DNAH9: variants seen among roughly 807,000 people sequenced by gnomAD.
The protein encoded by DNAH9 is DNAH9 variant protein.
DNAH9 carries 345 observed loss-of-function variants against 471.6 expected under a neutral mutation model. The observed-to-expected ratio is 0.73, with a 90% confidence interval of 0.67 to 0.80. The LOEUF is 0.80. DNAH9 is among the 30% of genes least tolerant of loss of function. The pLI is 0.00. For missense variants in DNAH9, 5,407 were observed against 5,609.2 expected (o/e 0.96, Z 1.15); for synonymous variants, 2,093 against 2,123.6 (o/e 0.99, Z 0.40).
chr17:11,696,182 C>A (rs547096757), intron 22 of DNAH9, among the ~76,000 whole-genome samples: 2 of 152,274 alleles, frequency 1.3e-5, no homozygotes, highest in African/African-American at 4.8e-5. Context: ...TACATTCATG[C>A]ATGTACAGTT....
chr17:11,968,572 A>C (rs1390406436), intron 68 of DNAH9, among the ~76,000 whole-genome samples: 3 of 152,234 alleles, frequency 2.0e-5, no homozygotes, highest in Admixed American at 1.3e-4. Flanking sequence ...TGTTTTCTTT[A>C]TTGCTAGGAC....
intron 14 of DNAH9, among the ~76,000 whole-genome samples, chr17:11,654,374 A>AAAAAAAAAAAAAAAAAAAAG (rs1353333314): frequency 6.1e-4 from 35 of 57,748 alleles, no homozygotes; most frequent in Non-Finnish European, 1.2e-3. Context: ...AAAAAAAAAA[A>AAAAAAAAAAAAAAAAAAAAG]AAAAGTTTAA....
Position 11,773,928 on chromosome 17 carries a change from G to A in DNAH9, c.7552+4599G>A, listed in dbSNP as rs796726793. 6.1e-4 allele frequency among the ~76,000 whole-genome samples: 93 copies of A among 152,110 alleles called. 1 individual carries two copies. Among genetic ancestry groups the A allele is most frequent in the African/African-American group, 2.2e-3 (90 of 41,502 alleles). ...GCAGATCACCTGAGGTCAGGAGTTC[G>A]AGACCAGCCTGGCCAACATGGTGAA... is the stretch of plus-strand genomic sequence containing the variant. On this transcript the variant is annotated intron_variant, in intron 38 of 68. Coordinates refer to ENST00000262442, the MANE Select transcript of DNAH9 (RefSeq NM_001372.4).
chr17:11,598,540 C>A lies in DNAH9; in HGVS notation c.42C>A (p.Asn14Lys). Residue 14 changes from asparagine to lysine, a missense_variant, in exon 1 of 69, where the codon AAC becomes AAA. This residue lies in a region of DNAH9 where 767 missense variants were observed against 692.5 expected (regional missense o/e 1.11). Coordinates refer to ENST00000262442, the MANE Select transcript of DNAH9 (RefSeq NM_001372.4). ...AGCGGGCCGCGCTCGCGGCGGAGAA[C>A]GCGGATGGGGAACCCGGCGCCGACC... is the stretch of plus-strand genomic sequence containing the variant. ...AEERAALAAE[N>K]ADGEPGADRR... 1 of 1,402,268 alleles carries A rather than the reference C, an allele frequency of 7.1e-7. No homozygotes were observed. Among genetic ancestry groups the A allele is most frequent in the Admixed American group, 3.3e-5 (1 of 30,720 alleles). 86.9% of individuals were successfully genotyped at this position (1,402,268 alleles called of 1,614,324 possible).
At chr17:11,734,312 C>T (rs1009841736) in intron 28 of DNAH9, among the ~76,000 whole-genome samples, 6 of 152,206 alleles carry the variant, frequency 3.9e-5, no homozygotes, top group African/African-American at 1.4e-4. Context: ...CCTGGCTGCA[C>T]ATTAGAATGG....
At position 11,708,053 on chromosome 17, in the gene DNAH9, A is replaced by AGAGAGAGAGC. The variant is rs1212348509; in HGVS notation, c.5552+2871_5552+2872insAGAGAGCGAG. Among the ~76,000 whole-genome samples the AGAGAGAGAGC allele has an allele frequency of 2.0e-5, 3 of 147,872 alleles. No homozygotes were observed. In the East Asian group the frequency reaches 6.2e-4, roughly 31 times the overall value. On this transcript the variant is annotated intron_variant, in intron 26 of 68. Transcript: ENST00000262442. ...GAGAGAGAGAGAGAGAGAGAGAGAG[A>AGAGAGAGAGC]GAGCAGGTAACCCTGACAGAGCCTC...
intron 61 of DNAH9, among the ~76,000 whole-genome samples, chr17:11,910,647 G>C (rs2151019321): frequency 6.6e-6 from 1 of 152,302 alleles, no homozygotes. Flanking sequence ...TTCCAAAACA[G>C]ATGCACCATT....
intron 19 of DNAH9, 132 bp downstream of exon 19, chr17:11,681,021 A>T (rs1432453771): frequency 1.1e-6 from 1 of 881,014 alleles, no homozygotes; most frequent in East Asian, 2.7e-5. Context: ...CCCATTTAGG[A>T]CCTTTGGTTG....
intron 32 of DNAH9, 35 bp downstream of exon 32, chr17:11,747,801 C>A: frequency 6.3e-7 from 1 of 1,578,272 alleles, no homozygotes; most frequent in Non-Finnish European, 8.7e-7. Context: ...AAAGTCTCTG[C>A]TAGCCTCAGA....
intron 26 of DNAH9, among the ~76,000 whole-genome samples, chr17:11,707,754 C>T (rs1346153007): frequency 2.0e-5 from 3 of 152,092 alleles, no homozygotes; most frequent in Non-Finnish European, 4.4e-5. Context: ...GACTCACTCC[C>T]TACACTCCAA....
chr17:11,667,548 A>G (rs757184061), intron 15 of DNAH9, among the ~76,000 whole-genome samples: 26 of 152,218 alleles, frequency 1.7e-4, no homozygotes, highest in Non-Finnish European at 3.5e-4. Context: ...TGAGTGGCTA[A>G]GCTGTGGTAA....
At chr17:11,838,869 C>T (rs1970935722) in intron 49 of DNAH9, among the ~76,000 whole-genome samples, 1 of 152,178 alleles carries the variant, frequency 6.6e-6, no homozygotes, top group Non-Finnish European at 1.5e-5. Flanking sequence ...CTTCTGCACT[C>T]ACAGGACTTT....
chr17:11,646,609 T>C (rs2073396037), intron 11 of DNAH9, among the ~76,000 whole-genome samples: 1 of 152,178 alleles, frequency 6.6e-6, no homozygotes, highest in African/African-American at 2.4e-5. Context: ...TAAGCAATGC[T>C]ACCTTTAGAA....
In DNAH9 at chr17:11,746,696, G is replaced by T. The variant is rs182883245; in HGVS notation, c.6400-860G>T. Among the ~76,000 whole-genome samples, 114 of 152,304 alleles carry T rather than the reference G, an allele frequency of 7.5e-4. 1 individual carries two copies. The highest frequency in any genetic ancestry group is 2.5e-3 in the African/African-American group (106 of 41,570). ...TCAACAAGTGATCCAGGAAAGGAATGAAATTTAAAAGGAGCTCAGAATCTC... is the reference window on the plus strand; with the variant it reads ...TCAACAAGTGATCCAGGAAAGGAATTAAATTTAAAAGGAGCTCAGAATCTC... On this transcript the variant is annotated intron_variant, in intron 31 of 68. Coordinates refer to ENST00000262442, the MANE Select transcript of DNAH9 (RefSeq NM_001372.4).
intron 48 of DNAH9, among the ~76,000 whole-genome samples, chr17:11,832,558 A>G (rs1814407252): frequency 6.6e-6 from 1 of 152,260 alleles, no homozygotes; most frequent in African/African-American, 2.4e-5. Context: ...TCTAGGGAGC[A>G]GGCCTCCGTT....
At position 11,699,864 on chromosome 17, in the gene DNAH9, C is replaced by G. The variant is rs1436010535; in HGVS notation, c.5006C>G (p.Pro1669Arg). ...KEEEYVAFSE[P>R]CDCSGQVEIW... ...GAGGAGTATGTGGCTTTCAGTGAGCCCTGTGACTGCAGCGGGCAGGTAACA... is the reference window on the plus strand; with the variant it reads ...GAGGAGTATGTGGCTTTCAGTGAGCGCTGTGACTGCAGCGGGCAGGTAACA... The change falls in exon 23 of 69, where the codon CCC (proline) becomes CGC (arginine). Residue 1669 changes from proline (P) to arginine (R), a missense_variant. Pro to Arg is a moderately radical substitution (Grantham distance 103, BLOSUM62 -2). This residue lies in a region of DNAH9 where 4,636 missense variants were observed against 4,900.3 expected (regional missense o/e 0.95). Coordinates refer to ENST00000262442, the MANE Select transcript of DNAH9 (RefSeq NM_001372.4). The G allele has an allele frequency of 6.2e-7, 1 of 1,614,168 alleles. No individual in the cohort carries two copies. Among genetic ancestry groups the G allele is most frequent in the Admixed American group, 1.7e-5 (1 of 60,022 alleles).
intron 5 of DNAH9, 102 bp from the exon 6 acceptor site, chr17:11,619,446 C>A: frequency 1.3e-6 from 1 of 741,080 alleles, no homozygotes; most frequent in Non-Finnish European, 2.4e-6. Context: ...CTATTATCCT[C>A]GTGAAAAATA....
chr17:11,779,508 C>G (rs1484069445), intron 38 of DNAH9, among the ~76,000 whole-genome samples: 1 of 152,174 alleles, frequency 6.6e-6, no homozygotes, highest in Non-Finnish European at 1.5e-5. Flanking sequence ...ATCCCGTGCG[C>G]TCCATGGCCA....
chr17:11,903,070 G>T (rs1255663040), intron 60 of DNAH9, among the ~76,000 whole-genome samples, 158 bp downstream of exon 60: 1 of 152,254 alleles, frequency 6.6e-6, no homozygotes, highest in Non-Finnish European at 1.5e-5. Context: ...GCCAGGCGCG[G>T]TGGCTCACGC....
Sources: allele counts gnomAD v4.1 joint callset (sites outside exome capture counted in the v4.1 genomes callset), GRCh38; gene constraint gnomAD v4.1.1; regional missense constraint gnomAD v4.1.1; transcripts MANE v1.5; gene names NCBI Gene and HGNC (gene_info 2026-07-23, HGNC 2026-07-21).